The following ACACA variants were observed in gnomAD, a reference collection of about 807,000 sequenced individuals.
The protein encoded by ACACA is acetyl-CoA carboxylase 1.
Under a neutral mutation model 296.1 loss-of-function variants are expected in ACACA, and 103 were observed. The ratio of observed to expected loss-of-function variants is 0.35; its 90% CI spans 0.30 to 0.41. ACACA has a LOEUF of 0.41. Among genes scored for constraint, ACACA ranks in the 10% least tolerant of loss-of-function variants. The probability of loss-of-function intolerance (pLI) is 1.00; values close to 1 mark genes in which losing one functional copy is unlikely to be tolerated. For missense variants in ACACA, 1,554 were observed against 2,989.7 expected, an observed-to-expected ratio of 0.52 and a Z score of 11.20; for synonymous variants, 953 against 1,038.6, an observed-to-expected ratio of 0.92 and a Z score of 1.58.
In ACACA at chr17:37,086,117, A is replaced by G. The variant is rs1722547344; in HGVS notation, c.*1199T>C. ...CTGAGTTGTAAATAATCTTAAGGTC[A>G]TGTGGATTCTGTGTTTCCTGGAAGC... On this transcript the variant is annotated 3_prime_UTR_variant, in exon 56 of 56. Coordinates refer to ENST00000616317, the MANE Select transcript of ACACA (RefSeq NM_198834.3). The G allele has an allele frequency of 3.8e-6, 1 of 260,192 alleles. No homozygotes were observed. The highest frequency in any genetic ancestry group is 5.5e-5 in the Admixed American group (1 of 18,274). 16.1% of individuals were successfully genotyped at this position (260,192 alleles called of 1,614,324 possible).
intron 33 of ACACA, among the ~76,000 whole-genome samples, chr17:37,204,962 G>A (rs1480756171): frequency 1.3e-5 from 2 of 152,182 alleles, no homozygotes; most frequent in Non-Finnish European, 2.9e-5. Flanking sequence ...GAAAGTGAAG[G>A]AAGATAAGTA....
At chr17:37,100,970 G>A (rs1341163678) in intron 52 of ACACA, among the ~76,000 whole-genome samples, 2 of 151,956 alleles carry the variant, frequency 1.3e-5, no homozygotes, top group African/African-American at 4.8e-5. Flanking sequence ...GGTGGCACAT[G>A]CTTGCCATCC....
chr17:37,295,161 GA>G (rs1228738590), intron 3 of ACACA, among the ~76,000 whole-genome samples: 1 of 152,178 alleles, frequency 6.6e-6, no homozygotes, highest in African/African-American at 2.4e-5. Context: ...CACACGTAGG[GA>G]TCAGGGACCA....
chr17:37,137,839 C>T (rs1168847656), intron 45 of ACACA, among the ~76,000 whole-genome samples: 1 of 152,106 alleles, frequency 6.6e-6, no homozygotes, highest in Non-Finnish European at 1.5e-5. Flanking sequence ...CATAAACCTG[C>T]TTTATCTATT....
At position 37,245,096 on chromosome 17, in the gene ACACA, G is replaced by A; in HGVS notation, c.2579C>T (p.Pro860Leu). The change falls in exon 20 of 56, where the codon CCC becomes CTC. Residue 860 changes from proline (P) to leucine (L), a missense_variant. Around this residue, in one of 16 missense-constraint regions of ACACA, gnomAD observed 316 missense variants for 540.9 expected, o/e 0.58. Coordinates refer to ENST00000616317, the MANE Select transcript of ACACA (RefSeq NM_198834.3). ...CVLAKMQLDN[P>L]SKVQQAELHT... is the part of the protein sequence containing the mutation. Reference sequence around the variant, plus strand: ...CCTACTCACCTGCTGAACCTTGCTGGGGTTGTCCAGTTGCATTTTGGCTAG... The same window carrying A: ...CCTACTCACCTGCTGAACCTTGCTGAGGTTGTCCAGTTGCATTTTGGCTAG... The A allele has an allele frequency of 1.2e-6, 2 of 1,614,126 alleles. No individual in the cohort carries two copies. The highest frequency in any genetic ancestry group is 8.5e-7 in the Non-Finnish European group (1 of 1,180,026).
At position 37,258,521 on chromosome 17, in the gene ACACA, C is replaced by CT. The variant is rs1244701791; in HGVS notation, c.1501-149dup. The CT allele has an allele frequency of 5.3e-6, 4 of 751,524 alleles. No homozygotes were observed. The African/African-American group carries it at 7.1e-5, about 13-fold the overall frequency. 46.6% of individuals were successfully genotyped at this position (751,524 alleles called of 1,614,324 possible). Reference sequence around the variant, plus strand: ...AACCTGTATTCTACAATCATCAACTCTAAGTTGCTTGAAATACAATATATC... The same window carrying CT: ...AACCTGTATTCTACAATCATCAACTCTTAAGTTGCTTGAAATACAATATATC... On this transcript the variant is annotated intron_variant, in intron 12 of 55. Transcript: ENST00000616317.
At chr17:37,218,306 C>T (rs1275817447) in intron 29 of ACACA, among the ~76,000 whole-genome samples, 1 of 151,854 alleles carries the variant, frequency 6.6e-6, no homozygotes, top group Non-Finnish European at 1.5e-5. Flanking sequence ...GTATAGAATA[C>T]GTGCTAAATT....
chr17:37,242,203 T>G, intron 22 of ACACA, 150 bp from the exon 23 acceptor site: 1 of 691,030 alleles, frequency 1.4e-6, no homozygotes. Flanking sequence ...TTACCAGGCG[T>G]AGTCTATATA....
chr17:37,317,615 T>C (rs1015405839), intron 3 of ACACA, among the ~76,000 whole-genome samples: 1 of 152,216 alleles, frequency 6.6e-6, no homozygotes, highest in African/African-American at 2.4e-5. Context: ...CCTACATTAC[T>C]TCTAATAATT....
At position 37,206,855 on chromosome 17, in the gene ACACA, G is replaced by A. The variant is rs1270780258; in HGVS notation, c.3876C>T (p.Cys1292=). The change falls in exon 32 of 56, where the codon TGC becomes TGT. Residue 1292 remains cysteine (C), a synonymous_variant. Coordinates refer to ENST00000616317, the MANE Select transcript of ACACA (RefSeq NM_198834.3). The part of the protein sequence containing the change: ...FVRIFDEVMG[C]FSDSPPQSPT... ...GACTCTGGGGTGGGGAGTCAGAGAAGCAGCCCATCACTTCATCAAAGATCC... is the reference window on the plus strand; with the variant it reads ...GACTCTGGGGTGGGGAGTCAGAGAAACAGCCCATCACTTCATCAAAGATCC... 6 of 1,613,588 alleles carry A rather than the reference G, an allele frequency of 3.7e-6. No individual in the cohort carries two copies. The highest frequency in any genetic ancestry group is 5.1e-6 in the Non-Finnish European group (6 of 1,179,664).
chr17:37,146,921 T>A (rs2075836522), intron 45 of ACACA, among the ~76,000 whole-genome samples: 4 of 151,146 alleles, frequency 2.6e-5, no homozygotes, highest in Admixed American at 2.6e-4. Flanking sequence ...CCATCTGCTT[T>A]CACTTTATCA....
intron 24 of ACACA, among the ~76,000 whole-genome samples, chr17:37,237,173 T>A (rs2080153047): frequency 6.6e-6 from 1 of 152,208 alleles, no homozygotes; most frequent in Non-Finnish European, 1.5e-5. Context: ...AGATTCATCC[T>A]TTTGTTCAGT....
At chr17:37,399,239 C>T (rs9898680) in intron 1 of ACACA, among the ~76,000 whole-genome samples, 2 of 151,746 alleles carry the variant, frequency 1.3e-5, no homozygotes, top group Non-Finnish European at 2.9e-5. Context: ...CCTCAGCCTC[C>T]CAAAGTGCTG....
intron 9 of ACACA, 109 bp downstream of exon 9, chr17:37,274,084 A>G: frequency 1.1e-6 from 1 of 894,894 alleles, no homozygotes; most frequent in Non-Finnish European, 1.9e-6. Context: ...CTGGTCTTAC[A>G]TCCCTAACAC....
chr17:37,206,801 A>G lies in ACACA; in HGVS notation c.3930T>C (p.Ser1310=), dbSNP rs771719035. Residue 1310 remains serine (S), a synonymous_variant, in exon 32 of 56, where the codon TCT becomes TCC. Transcript: ENST00000616317. ...ATTATACCTTATCCTCATCATAAAGAGACGTGTGACCTGCCTCAGGGAATG... is the reference window on the plus strand; with the variant it reads ...ATTATACCTTATCCTCATCATAAAGGGACGTGTGACCTGCCTCAGGGAATG... ...SPTFPEAGHT[S]LYDEDKVPRD... is the part of the protein sequence containing the mutation. 6.8e-6 allele frequency: 11 copies of G among 1,611,848 alleles called. No homozygotes were observed. The highest frequency in any genetic ancestry group is 5.3e-5 in the African/African-American group (4 of 74,872).
chr17:37,371,292 G>A (rs56239023), intron 1 of ACACA, among the ~76,000 whole-genome samples: 4 of 151,650 alleles, frequency 2.6e-5, no homozygotes, highest in Non-Finnish European at 5.9e-5. Flanking sequence ...TTGGTCAGGC[G>A]TGTCTTGAAC....
intron 3 of ACACA, among the ~76,000 whole-genome samples, chr17:37,313,901 C>T (rs1412933952): frequency 6.6e-6 from 1 of 152,128 alleles, no homozygotes; most frequent in Non-Finnish European, 1.5e-5. Context: ...GATATCTACA[C>T]TCCCATGTTT....
At chr17:37,377,548 T>A (rs910185208) in intron 1 of ACACA, among the ~76,000 whole-genome samples, 11 of 151,982 alleles carry the variant, frequency 7.2e-5, no homozygotes, top group African/African-American at 2.7e-4. Context: ...TAATCCCAGC[T>A]ACTCGGGAGG....
At chr17:37,132,850 C>T (rs77827373) in intron 45 of ACACA, among the ~76,000 whole-genome samples, 2,647 of 152,274 alleles carry the variant, frequency 0.017, 62 homozygotes, top group South Asian at 0.1. Flanking sequence ...GATCCTCTGC[C>T]ACTTATCTAT....
Sources: allele counts gnomAD v4.1 joint callset (sites outside exome capture counted in the v4.1 genomes callset), GRCh38; gene constraint gnomAD v4.1.1; regional missense constraint gnomAD v4.1.1; transcripts MANE v1.5; gene names NCBI Gene and HGNC (gene_info 2026-07-23, HGNC 2026-07-21).